The following PTPRN2 variants were observed in gnomAD, a reference collection of about 807,000 sequenced individuals.
The protein encoded by PTPRN2 is receptor-type tyrosine-protein phosphatase N2.
Under a neutral mutation model 118.8 loss-of-function variants are expected in PTPRN2, and 74 were observed. That is an observed-to-expected ratio of 0.62 (90% confidence interval 0.52 to 0.76). The LOEUF is 0.76. Among genes scored for constraint, PTPRN2 ranks in the 30% least tolerant of loss-of-function variants. The probability of loss-of-function intolerance (pLI) is 0.00; values close to 1 mark genes in which losing one functional copy is unlikely to be tolerated. For missense variants in PTPRN2, 1,481 were observed against 1,394.4 expected (o/e 1.06, Z -0.99); for synonymous variants, 641 against 608.0 (o/e 1.05, Z -0.80).
At chr7:158,029,254 C>A (rs898036952) in intron 11 of PTPRN2, 2 of 151,858 alleles carry the variant, frequency 1.3e-5, no homozygotes, top group East Asian at 3.9e-4. Context: ...GCCGGGGGCA[C>A]GGGGTCCGTA....
intron 11 of PTPRN2, among the ~76,000 whole-genome samples, chr7:157,912,320 C>T (rs1214886225): frequency 6.6e-6 from 1 of 152,160 alleles, no homozygotes; most frequent in Non-Finnish European, 1.5e-5. Flanking sequence ...TTCATGCTTC[C>T]TCTTACATGA....
intron 12 of PTPRN2, among the ~76,000 whole-genome samples, chr7:157,710,500 C>T (rs1048596937): frequency 1.4e-5 from 2 of 141,342 alleles, no homozygotes; most frequent in Admixed American, 7.4e-5. Flanking sequence ...CGCCCCGTGG[C>T]ACAGGATGTT....
At chr7:157,914,860 T>G (rs1798308239) in intron 11 of PTPRN2, among the ~76,000 whole-genome samples, 1 of 152,206 alleles carries the variant, frequency 6.6e-6, no homozygotes, top group Non-Finnish European at 1.5e-5. Flanking sequence ...TATTTGTCTC[T>G]GTGGGCTGCG....
At chr7:158,260,047 ATG>A (rs1797295792) in intron 3 of PTPRN2, among the ~76,000 whole-genome samples, 2 of 89,460 alleles carry the variant, frequency 2.2e-5, no homozygotes, top group African/African-American at 3.4e-5. Context: ...TTGTGTGTAC[ATG>A]TGTGTGCATG....
Position 158,022,569 on chromosome 7 carries a change from ACT to A in PTPRN2, c.1723+58727_1723+58728del, listed in dbSNP as rs1177082018. Among the ~76,000 whole-genome samples the A allele has an allele frequency of 1.9e-3, 277 of 144,532 alleles. No individual in the cohort carries two copies. The highest frequency in any genetic ancestry group is 6.2e-3 in the South Asian group (27 of 4,328). 94.8% of individuals were successfully genotyped at this position (144,532 alleles called of 152,430 possible). On this transcript the variant is annotated intron_variant, in intron 11 of 22. Transcript: ENST00000389418. The surrounding 1 kb of genome is among the most constrained non-coding windows in gnomAD (Gnocchi z 4.6). ...ATAGCCAAGGCCCCGGCACCCGGGC[ACT>A]CTGTCTGGGGCAGCCCGTAATGTGT...
At chr7:158,083,493 C>A (rs1466979562) in intron 10 of PTPRN2, among the ~76,000 whole-genome samples, 3 of 152,138 alleles carry the variant, frequency 2.0e-5, no homozygotes, top group African/African-American at 7.2e-5. Flanking sequence ...TTTTCCCTCA[C>A]GTGCTGAAAG....
chr7:157,904,623 G>C (rs1213051915), intron 11 of PTPRN2, among the ~76,000 whole-genome samples: 1 of 152,254 alleles, frequency 6.6e-6, no homozygotes, highest in Non-Finnish European at 1.5e-5. Flanking sequence ...GGGCGTCTAC[G>C]CGTTCCCTTG....
rs1366423001 is a variant in PTPRN2 at position 158,131,681 on chromosome 7, C to A, written c.1556+1996G>T. On this transcript the variant is annotated intron_variant, in intron 9 of 22. Transcript: ENST00000389418. The stretch of plus-strand genomic sequence containing the variant: ...CACAAACCGATACACATCTACCCGA[C>A]ACACACTCATACACACATGCAAATA... Among the ~76,000 whole-genome samples, 4 of 150,044 alleles carry A rather than the reference C, an allele frequency of 2.7e-5. No homozygotes were observed. The East Asian group carries it at 7.9e-4, about 30-fold the overall frequency.
Position 157,724,821 on chromosome 7 carries a change from G to A in PTPRN2, c.1789-41884C>T, listed in dbSNP as rs549355498. Among the ~76,000 whole-genome samples, 13 of 152,306 alleles carry A rather than the reference G, an allele frequency of 8.5e-5. 1 individual carries two copies. In the South Asian group the frequency reaches 1.2e-3, roughly 15 times the overall value. ...ATACTAAGTCCAACCATCCTGAGGC[G>A]GGGACCATCTGTGTATTGTTGAGTC... On this transcript the variant is annotated intron_variant, in intron 12 of 22. Coordinates refer to ENST00000389418, the MANE Select transcript of PTPRN2 (RefSeq NM_002847.5).
At chr7:158,104,672 C>T (rs375089902) in intron 10 of PTPRN2, among the ~76,000 whole-genome samples, 2 of 151,028 alleles carry the variant, frequency 1.3e-5, no homozygotes, top group South Asian at 2.1e-4. Context: ...CAGCACCAAC[C>T]GCAGCTCCAT....
intron 12 of PTPRN2, among the ~76,000 whole-genome samples, chr7:157,781,627 C>G (rs888890931): frequency 6.6e-6 from 1 of 152,206 alleles, no homozygotes. Context: ...TGGGAGAGCT[C>G]CTGGATGGTG....
chr7:157,723,403 G>C (rs568754432), intron 12 of PTPRN2, among the ~76,000 whole-genome samples: 1 of 152,132 alleles, frequency 6.6e-6, no homozygotes. Flanking sequence ...CTGAGCTCAC[G>C]GCTTCTCCCT....
chr7:158,167,128 T>C lies in PTPRN2; in HGVS notation c.713A>G (p.Asp238Gly), dbSNP rs1450557775. ...ELSPKVDSGV[D>G]RHHLMAALSA... ...GAGGGCCGCCATCAGATGGTGTCTG[T>C]CCACACCACTGTCCACCTTAGGGCT... Residue 238 changes from aspartate to glycine, a missense_variant, in exon 6 of 23, where the codon GAC becomes GGC. By Grantham distance (94) the Asp-to-Gly change is moderately conservative. Coordinates refer to ENST00000389418, the MANE Select transcript of PTPRN2 (RefSeq NM_002847.5). 16 of 1,613,878 alleles carry C rather than the reference T, an allele frequency of 9.9e-6. No individual in the cohort carries two copies. Among genetic ancestry groups the C allele is most frequent in the Non-Finnish European group, 1.4e-5 (16 of 1,179,944 alleles).
intron 14 of PTPRN2, among the ~76,000 whole-genome samples, chr7:157,636,683 C>G (rs1804338758): frequency 6.6e-6 from 1 of 152,230 alleles, no homozygotes; most frequent in Non-Finnish European, 1.5e-5. Flanking sequence ...ATACCAGGAT[C>G]TGCGGTCATC....
In PTPRN2 at chr7:158,546,642, C is replaced by G. The variant is rs953933213; in HGVS notation, c.112+40916G>C. Among the ~76,000 whole-genome samples, 14 of 152,176 alleles carry G rather than the reference C, an allele frequency of 9.2e-5. No homozygotes were observed. The highest frequency in any genetic ancestry group is 7.4e-5 in the Non-Finnish European group (5 of 68,020). On this transcript the variant is annotated intron_variant, in intron 1 of 22. Coordinates refer to ENST00000389418, the MANE Select transcript of PTPRN2 (RefSeq NM_002847.5). The surrounding 1 kb of genome is among the most constrained non-coding windows in gnomAD (Gnocchi z 5.0). ...GCCACGGGACAGACGCCACCTCTCC[C>G]GAGTAGCAGGTGGGTGACTACAGAG... is the stretch of plus-strand genomic sequence containing the variant.
At chr7:158,483,700 C>A (rs1310293328) in intron 2 of PTPRN2, among the ~76,000 whole-genome samples, 1 of 152,190 alleles carries the variant, frequency 6.6e-6, no homozygotes, top group African/African-American at 2.4e-5. Context: ...GAAGTAACCC[C>A]TTATTAAAGA....
intron 11 of PTPRN2, among the ~76,000 whole-genome samples, chr7:157,985,238 T>G (rs1803688008): frequency 6.6e-6 from 1 of 152,220 alleles, no homozygotes; most frequent in African/African-American, 2.4e-5. Flanking sequence ...TCACAACCAA[T>G]CACTCTTTTT....
At chr7:158,336,696 C>A (rs865901497) in intron 2 of PTPRN2, among the ~76,000 whole-genome samples, 1 of 113,970 alleles carries the variant, frequency 8.8e-6, no homozygotes, top group African/African-American at 3.1e-5. Context: ...CGCCCGCAGA[C>A]GTCACTCACA....
intron 3 of PTPRN2, among the ~76,000 whole-genome samples, chr7:158,314,726 T>G (rs914899525): frequency 1.3e-5 from 2 of 152,268 alleles, no homozygotes; most frequent in East Asian, 3.8e-4. Flanking sequence ...CCATGGACTT[T>G]GGGCTCAGGT....
Sources: allele counts gnomAD v4.1 joint callset (sites outside exome capture counted in the v4.1 genomes callset), GRCh38; gene constraint gnomAD v4.1.1; non-coding constraint Gnocchi (gnomAD v3.1); transcripts MANE v1.5; gene names NCBI Gene and HGNC (gene_info 2026-07-23, HGNC 2026-07-21).